The following SETBP1 variants were observed in gnomAD, a reference collection of about 807,000 sequenced individuals.
SETBP1 encodes the protein SET-binding protein.
In SETBP1, 9 loss-of-function variants were observed where a neutral mutation model predicts 101.0. That is an observed-to-expected ratio of 0.09 (90% confidence interval 0.05 to 0.16). SETBP1 has a LOEUF of 0.16. Ranked by LOEUF, SETBP1 falls within the 10% of genes least tolerant of loss-of-function variation. The pLI, the probability that SETBP1 is intolerant of heterozygous loss-of-function variation, is 1.00. For missense variants in SETBP1, 1,858 were observed against 2,033.8 expected, an observed-to-expected ratio of 0.91 and a Z score of 1.66; for synonymous variants, 818 against 788.5, an observed-to-expected ratio of 1.04 and a Z score of -0.63.
At chr18:44,878,530 T>C (rs985983718) in intron 3 of SETBP1, among the ~76,000 whole-genome samples, 2 of 152,214 alleles carry the variant, frequency 1.3e-5, no homozygotes, top group African/African-American at 4.8e-5. Flanking sequence ...TACATGACTG[T>C]GCTTTATATA....
In SETBP1 at chr18:44,680,905, T is replaced by G; in HGVS notation, c.-289T>G. Reference sequence around the variant, plus strand: ...CTCTCTTTGTAACTTGCAGGTTAAGTGGAGCTAGAGAGCTACATTGTAACC... The same window carrying G: ...CTCTCTTTGTAACTTGCAGGTTAAGGGGAGCTAGAGAGCTACATTGTAACC... On this transcript the variant is annotated 5_prime_UTR_variant, in exon 1 of 6. Transcript: ENST00000649279. The G allele has an allele frequency of 6.6e-6, 1 of 150,706 alleles. No individual in the cohort carries two copies. The allele number at this position is 150,706 out of a possible 1,614,324, so 9.3% of individuals were successfully genotyped here. A position where few individuals can be genotyped will look rare whatever the true frequency, so the allele number is the denominator to read the frequency against.
chr18:44,691,071 A>T (rs995393130), intron 1 of SETBP1, among the ~76,000 whole-genome samples: 3 of 152,182 alleles, frequency 2.0e-5, no homozygotes, highest in Admixed American at 1.3e-4. Flanking sequence ...GAACTCATGT[A>T]TGTAGAAGCA....
At chr18:44,710,874 C>T (rs1170355115) in intron 2 of SETBP1, among the ~76,000 whole-genome samples, 1 of 152,164 alleles carries the variant, frequency 6.6e-6, no homozygotes, top group Non-Finnish European at 1.5e-5. Flanking sequence ...AAGGTTGGCA[C>T]TAAGGCTCTG....
At chr18:45,062,162 A>G (rs997074446) in intron 5 of SETBP1, among the ~76,000 whole-genome samples, 2 of 152,248 alleles carry the variant, frequency 1.3e-5, no homozygotes, top group African/African-American at 4.8e-5. Flanking sequence ...CTGAACTTCA[A>G]AACTAAGCAG....
At chr18:44,825,320 G>A (rs1239060206) in intron 2 of SETBP1, among the ~76,000 whole-genome samples, 13 of 152,302 alleles carry the variant, frequency 8.5e-5, no homozygotes, top group Admixed American at 5.9e-4. Flanking sequence ...ACTGATGTGG[G>A]CTGTGTTTGC....
intron 5 of SETBP1, among the ~76,000 whole-genome samples, chr18:45,053,177 A>G (rs1047418524): frequency 2.0e-5 from 3 of 152,164 alleles, no homozygotes; most frequent in African/African-American, 7.2e-5. Flanking sequence ...TTTAATATAA[A>G]TGTGGTGCCT....
chr18:44,933,916 G>A (rs1051926308), intron 3 of SETBP1, among the ~76,000 whole-genome samples: 1 of 152,128 alleles, frequency 6.6e-6, no homozygotes, highest in Non-Finnish European at 1.5e-5. Flanking sequence ...GCGATGCCCT[G>A]CCCTGCTCCA....
In SETBP1 at chr18:44,951,238, C is replaced by G. The variant is rs769195688; in HGVS notation, c.1898C>G (p.Ala633Gly). The G allele has an allele frequency of 6.2e-7, 1 of 1,614,024 alleles. No homozygotes were observed. Among genetic ancestry groups the G allele is most frequent in the Non-Finnish European group, 8.5e-7 (1 of 1,180,040 alleles). ...RKRRRNLAKL[A>G]QLVPGEDKPM... ...CGACGACGCAATTTAGCGAAGTTGGCCCAGCTAGTGCCGGGAGAGGACAAA... is the reference window on the plus strand; with the variant it reads ...CGACGACGCAATTTAGCGAAGTTGGGCCAGCTAGTGCCGGGAGAGGACAAA... Residue 633 changes from alanine to glycine, a missense_variant, in exon 4 of 6, where the codon GCC becomes GGC. This residue lies in a region of SETBP1 where 111 missense variants were observed against 119.3 expected (regional missense o/e 0.93). Transcript: ENST00000649279. The surrounding 1 kb of genome is among the most constrained non-coding windows in gnomAD (Gnocchi z 7.8).
At chr18:44,798,544 A>C (rs2071530961) in intron 2 of SETBP1, among the ~76,000 whole-genome samples, 2 of 152,128 alleles carry the variant, frequency 1.3e-5, no homozygotes, top group African/African-American at 4.8e-5. Flanking sequence ...TCAAACTTAT[A>C]CCCCAGGGTG....
chr18:44,841,506 G>A (rs1011576922), intron 2 of SETBP1, among the ~76,000 whole-genome samples: 1 of 152,212 alleles, frequency 6.6e-6, no homozygotes, highest in African/African-American at 2.4e-5. Context: ...TTGAGAGGAA[G>A]AGTACCAAAG....
intron 2 of SETBP1, among the ~76,000 whole-genome samples, chr18:44,843,064 C>A (rs2072653453): frequency 6.6e-6 from 1 of 152,276 alleles, no homozygotes; most frequent in African/African-American, 2.4e-5. Context: ...GCTCTTATGC[C>A]ATGCAGGCCC....
At chr18:44,708,231 G>C (rs926724876) in intron 2 of SETBP1, among the ~76,000 whole-genome samples, 1 of 152,134 alleles carries the variant, frequency 6.6e-6, no homozygotes, top group Admixed American at 6.5e-5. Flanking sequence ...TATTTTGTCA[G>C]CACTTTCTCT....
intron 4 of SETBP1, among the ~76,000 whole-genome samples, chr18:45,023,094 G>A (rs1284122748): frequency 6.6e-6 from 1 of 152,112 alleles, no homozygotes; most frequent in African/African-American, 2.4e-5. Flanking sequence ...GTTTTGAAAT[G>A]CTGCTTTTTC....
Position 45,063,023 on chromosome 18 carries a change from G to C in SETBP1, c.4172-56G>C, listed in dbSNP as rs1326187839. The stretch of plus-strand genomic sequence containing the variant: ...AATGCTAGCTGTCAGTGAAGAGGCT[G>C]AGTTGAAGGCACCTTGCATCCTGTG... On this transcript the variant is annotated intron_variant, in intron 5 of 5. Transcript: ENST00000649279. 6 of 1,610,240 alleles carry C rather than the reference G, an allele frequency of 3.7e-6. No homozygotes were observed. In the Admixed American group the frequency reaches 1.0e-4, roughly 27 times the overall value.
At chr18:44,716,448 G>A (rs1440684647) in intron 2 of SETBP1, among the ~76,000 whole-genome samples, 3 of 152,190 alleles carry the variant, frequency 2.0e-5, no homozygotes, top group African/African-American at 7.2e-5. Flanking sequence ...TAAAGGTGAG[G>A]CCTTGCTGTC....
chr18:44,869,568 T>A, intron 3 of SETBP1: 1 of 436,832 alleles, frequency 2.3e-6, no homozygotes, highest in East Asian at 4.8e-5. Context: ...GGATTCAGCT[T>A]AGGAAAGGGT....
At chr18:44,982,350 G>A (rs1024263610) in intron 4 of SETBP1, among the ~76,000 whole-genome samples, 6 of 152,216 alleles carry the variant, frequency 3.9e-5, no homozygotes. Context: ...TGGAGCAGTC[G>A]CCTCAGGGGG....
intron 2 of SETBP1, among the ~76,000 whole-genome samples, chr18:44,804,378 C>T (rs560290047): frequency 1.3e-5 from 2 of 152,182 alleles, no homozygotes; most frequent in South Asian, 4.2e-4. Flanking sequence ...AACCTCATTT[C>T]AAGCAGCAGA....
intron 2 of SETBP1, among the ~76,000 whole-genome samples, chr18:44,865,467 A>G (rs1441321627): frequency 6.6e-6 from 1 of 152,140 alleles, no homozygotes; most frequent in African/African-American, 2.4e-5. Flanking sequence ...TGCCTCCCTC[A>G]GGCCCTGACA....
Sources: gnomAD v4.1 joint callset for allele counts (sites outside exome capture counted in the v4.1 genomes callset) on GRCh38, gnomAD v4.1.1 for gene constraint, gnomAD v4.1.1 regional missense constraint, Gnocchi (gnomAD v3.1) non-coding constraint, MANE v1.5 for transcripts, NCBI Gene and HGNC (gene_info 2026-07-23, HGNC 2026-07-21) for gene names.